Variants in CDYL2 observed in about 807,000 individuals in gnomAD.
CDYL2 encodes the protein chromodomain Y-like protein 2.
In CDYL2, 23 loss-of-function variants were observed where a neutral mutation model predicts 49.4. That is an observed-to-expected ratio of 0.47 (90% confidence interval 0.34 to 0.66). The LOEUF (loss-of-function observed/expected upper bound fraction) is 0.66. CDYL2 is among the 30% of genes least tolerant of loss of function. The pLI, the probability that CDYL2 is intolerant of heterozygous loss-of-function variation, is 0.01. For missense variants in CDYL2, 678 were observed against 656.4 expected (o/e 1.03, Z -0.36); for synonymous variants, 360 against 268.8 (o/e 1.34, Z -3.32).
intron 1 of CDYL2, among the ~76,000 whole-genome samples, chr16:80,723,554 G>C (rs1245660892): frequency 2.0e-5 from 3 of 152,120 alleles, no homozygotes; most frequent in Non-Finnish European, 4.4e-5. Context: ...CCAGCACACT[G>C]ATCTTATCCC....
intron 1 of CDYL2, among the ~76,000 whole-genome samples, chr16:80,773,391 C>T (rs1230929296): frequency 1.3e-5 from 2 of 152,074 alleles, no homozygotes; most frequent in African/African-American, 4.8e-5. Context: ...AGAGATTTTT[C>T]ACACATGCCT....
chr16:80,736,938 G>A (rs969128274), intron 1 of CDYL2, among the ~76,000 whole-genome samples: 1 of 152,062 alleles, frequency 6.6e-6, no homozygotes, highest in African/African-American at 2.4e-5. Flanking sequence ...ATCCTCTGTT[G>A]GAGCCCTGGA....
At chr16:80,759,268 T>C (rs961872133) in intron 1 of CDYL2, among the ~76,000 whole-genome samples, 2 of 151,210 alleles carry the variant, frequency 1.3e-5, no homozygotes, top group South Asian at 2.1e-4. Context: ...ATTTCTGTGT[T>C]GGGTATATTT....
chr16:80,665,947 C>G (rs772218728), intron 2 of CDYL2, among the ~76,000 whole-genome samples: 3 of 152,134 alleles, frequency 2.0e-5, no homozygotes, highest in Non-Finnish European at 4.4e-5. Flanking sequence ...AACCTAATAT[C>G]CTAGGATCAA....
In CDYL2 at chr16:80,631,741, G is replaced by T. The variant is rs139418535; in HGVS notation, c.834+1278C>A. ...GACCTAATTTTAAAAATAGGCAAAG[G>T]ATGTGAATAGAAAGAAGAGATAAAT... On this transcript the variant is annotated intron_variant, in intron 3 of 6. Coordinates refer to ENST00000570137, the MANE Select transcript of CDYL2 (RefSeq NM_152342.4). Among the ~76,000 whole-genome samples, 13 of 152,258 alleles carry T rather than the reference G, an allele frequency of 8.5e-5. No individual in the cohort carries two copies. In the East Asian group the frequency reaches 2.5e-3, roughly 29 times the overall value.
intron 1 of CDYL2, among the ~76,000 whole-genome samples, chr16:80,701,918 A>T (rs1904303278): frequency 6.6e-6 from 1 of 152,214 alleles, no homozygotes; most frequent in South Asian, 2.1e-4. Context: ...TATACTTGTG[A>T]GTGTAGCATT....
intron 2 of CDYL2, among the ~76,000 whole-genome samples, chr16:80,652,056 T>C (rs1250697411): frequency 6.6e-6 from 1 of 152,318 alleles, no homozygotes; most frequent in East Asian, 1.9e-4. Flanking sequence ...GATAAGGGTA[T>C]ATACACAGGT....
intron 2 of CDYL2, among the ~76,000 whole-genome samples, chr16:80,659,090 TGGATGGATGGAC>T (rs1482263497): frequency 4.6e-4 from 64 of 137,820 alleles, no homozygotes; most frequent in African/African-American, 1.7e-3. Context: ...GATGGATGGA[TGGATGGATGGAC>T]AGACGGATGG....
At chr16:80,741,834 G>A (rs8060292) in intron 1 of CDYL2, among the ~76,000 whole-genome samples, 2,567 of 152,290 alleles carry the variant, frequency 0.017, 22 homozygotes, top group African/African-American at 0.028. Context: ...AGCTGTTAAT[G>A]TTGGACTAAT....
At chr16:80,645,243 G>C (rs1188094354) in intron 2 of CDYL2, among the ~76,000 whole-genome samples, 1 of 152,132 alleles carries the variant, frequency 6.6e-6, no homozygotes, top group Non-Finnish European at 1.5e-5. Flanking sequence ...CTACTCATCT[G>C]ACAAAGGGCT....
At chr16:80,732,062 C>A (rs1011578134) in intron 1 of CDYL2, among the ~76,000 whole-genome samples, 1 of 152,044 alleles carries the variant, frequency 6.6e-6, no homozygotes, top group African/African-American at 2.4e-5. Flanking sequence ...GTATTCACAG[C>A]CACTTTTCTC....
intron 3 of CDYL2, among the ~76,000 whole-genome samples, chr16:80,625,805 G>C (rs1303419389): frequency 6.6e-6 from 1 of 152,114 alleles, no homozygotes; most frequent in East Asian, 1.9e-4. Flanking sequence ...GAATACAATT[G>C]TCAAGGTGCT....
chr16:80,720,650 T>C (rs572540797), intron 1 of CDYL2, among the ~76,000 whole-genome samples: 1 of 152,338 alleles, frequency 6.6e-6, no homozygotes, highest in East Asian at 1.9e-4. Context: ...AACATGCTCC[T>C]GGCATTTCTT....
intron 1 of CDYL2, among the ~76,000 whole-genome samples, chr16:80,708,830 G>A (rs3114391): frequency 0.25 from 38,075 of 152,032 alleles, 8,436 homozygotes; most frequent in African/African-American, 0.59. Flanking sequence ...AAAGCATCGA[G>A]ATAGAGCAGA....
chr16:80,721,389 T>C (rs1012291077), intron 1 of CDYL2, among the ~76,000 whole-genome samples: 1 of 152,146 alleles, frequency 6.6e-6, no homozygotes, highest in African/African-American at 2.4e-5. Flanking sequence ...TTCAAAATCA[T>C]CCCTGATTCA....
chr16:80,627,301 A>G (rs1000186041), intron 3 of CDYL2, among the ~76,000 whole-genome samples: 1 of 152,218 alleles, frequency 6.6e-6, no homozygotes, highest in African/African-American at 2.4e-5. Flanking sequence ...ATAAAAAAAA[A>G]AAGAAACCCT....
chr16:80,776,749 T>C (rs929751907), intron 1 of CDYL2, among the ~76,000 whole-genome samples: 5 of 151,894 alleles, frequency 3.3e-5, no homozygotes, highest in Non-Finnish European at 7.4e-5. Context: ...GGGATTCTGA[T>C]TTCATAAATT....
At chr16:80,771,195 C>G (rs2142394461) in intron 1 of CDYL2, among the ~76,000 whole-genome samples, 1 of 152,344 alleles carries the variant, frequency 6.6e-6, no homozygotes, top group Non-Finnish European at 1.5e-5. Context: ...TAAAACCACA[C>G]TAGGCCTCAG....
rs749182054 is a variant in CDYL2 at position 80,707,288 on chromosome 16, T to G, written c.25-22159A>C. ...GACCAGCCTGGTCAACACAGCAAGA[T>G]CCCCATCTCTACAAAAAAAATTAAC... On this transcript the variant is annotated intron_variant, in intron 1 of 6. Coordinates refer to ENST00000570137, the MANE Select transcript of CDYL2 (RefSeq NM_152342.4). 6.3e-4 allele frequency among the ~76,000 whole-genome samples: 96 copies of G among 151,910 alleles called. 1 individual carries two copies. The highest frequency in any genetic ancestry group is 5.9e-4 in the Admixed American group (9 of 15,242).
Sources: gnomAD v4.1 joint callset for allele counts (sites outside exome capture counted in the v4.1 genomes callset) on GRCh38, gnomAD v4.1.1 for gene constraint, MANE v1.5 for transcripts, NCBI Gene and HGNC (gene_info 2026-07-23, HGNC 2026-07-21) for gene names.